SNAP25: variants seen among roughly 807,000 people sequenced by gnomAD.
SNAP25 encodes synaptosome associated protein 25.
In SNAP25, 3 loss-of-function variants were observed where a neutral mutation model predicts 28.7. The ratio of observed to expected loss-of-function variants is 0.10; its 90% CI spans 0.05 to 0.27. The LOEUF (loss-of-function observed/expected upper bound fraction) is 0.27, where lower values mean the gene tolerates loss of function less well. Ranked by LOEUF, SNAP25 falls within the 10% of genes least tolerant of loss-of-function variation. The pLI is 1.00. For missense variants in SNAP25, 117 were observed against 278.7 expected, an observed-to-expected ratio of 0.42 and a Z score of 4.13; for synonymous variants, 61 against 88.1, an observed-to-expected ratio of 0.69 and a Z score of 1.72.
At chr20:10,292,804 T>G in intron 4 of SNAP25, 1 of 874,302 alleles carries the variant, frequency 1.1e-6, no homozygotes, top group Non-Finnish European at 1.8e-6. Context: ...AAATTCTGTT[T>G]CACATAGTCA....
chr20:10,291,154 A>G (rs1366158081), intron 4 of SNAP25, among the ~76,000 whole-genome samples: 1 of 152,008 alleles, frequency 6.6e-6, no homozygotes, highest in Non-Finnish European at 1.5e-5. Flanking sequence ...GCTCACTGCA[A>G]CCTCCACCTC....
intron 1 of SNAP25, among the ~76,000 whole-genome samples, chr20:10,247,766 C>T (rs2063155308): frequency 6.6e-6 from 1 of 152,160 alleles, no homozygotes; most frequent in Non-Finnish European, 1.5e-5. Flanking sequence ...AGGATGATGG[C>T]ACGAAAGCAA....
chr20:10,290,966 T>C (rs1260910337), intron 4 of SNAP25, among the ~76,000 whole-genome samples: 1 of 152,246 alleles, frequency 6.6e-6, no homozygotes, highest in African/African-American at 2.4e-5. Flanking sequence ...TACAGACTAA[T>C]TTATTGCATT....
At position 10,306,170 on chromosome 20, in the gene SNAP25, T is replaced by A; in HGVS notation, c.594T>A (p.Arg198=). 6.2e-7 allele frequency: 1 copy of A among 1,613,654 alleles called. No homozygotes were observed. The highest frequency in any genetic ancestry group is 8.5e-7 in the Non-Finnish European group (1 of 1,179,808). ...CCAGAATTGATGAGGCCAACCAACG[T>A]GCAACAAAGATGCTGGGAAGTGGTT... ...NKTRIDEANQ[R]ATKMLGSG Residue 198 remains arginine, a synonymous_variant, in exon 8 of 8, where the codon CGT becomes CGA. Coordinates refer to ENST00000254976, the MANE Select transcript of SNAP25 (RefSeq NM_130811.4).
chr20:10,263,358 A>C (rs1257646882), intron 1 of SNAP25, among the ~76,000 whole-genome samples: 1 of 152,144 alleles, frequency 6.6e-6, no homozygotes, highest in Non-Finnish European at 1.5e-5. Context: ...ACAGGCACAG[A>C]AACACGGAGA....
intron 1 of SNAP25, among the ~76,000 whole-genome samples, chr20:10,239,169 G>A (rs1217501001): frequency 6.6e-6 from 1 of 152,186 alleles, no homozygotes; most frequent in Non-Finnish European, 1.5e-5. Context: ...TTATAGAGAA[G>A]GAAGAGTAGG....
intron 1 of SNAP25, among the ~76,000 whole-genome samples, chr20:10,258,564 A>T (rs2063359656): frequency 6.6e-6 from 1 of 152,190 alleles, no homozygotes; most frequent in African/African-American, 2.4e-5. Context: ...TGTGTGGCTT[A>T]CAAAAATCTC....
chr20:10,251,692 C>T (rs1844333522), intron 1 of SNAP25, among the ~76,000 whole-genome samples: 1 of 152,174 alleles, frequency 6.6e-6, no homozygotes, highest in Non-Finnish European at 1.5e-5. Context: ...CTAACCTTTC[C>T]TGGGTGGCTT....
At chr20:10,248,889 C>T (rs1160985268) in intron 1 of SNAP25, among the ~76,000 whole-genome samples, 1 of 152,184 alleles carries the variant, frequency 6.6e-6, no homozygotes, top group Non-Finnish European at 1.5e-5. Flanking sequence ...TTCTAACAGA[C>T]TCCCAGGTGA....
chr20:10,278,974 CA>C (rs898557046), intron 3 of SNAP25, among the ~76,000 whole-genome samples: 5 of 152,030 alleles, frequency 3.3e-5, no homozygotes, highest in African/African-American at 1.2e-4. Flanking sequence ...TGTTATCCCC[CA>C]AAATGATAAT....
intron 7 of SNAP25, among the ~76,000 whole-genome samples, chr20:10,303,713 C>G (rs1244720536): frequency 6.6e-6 from 1 of 152,098 alleles, no homozygotes. Flanking sequence ...TCCATAGAAT[C>G]GTTGTCTTCA....
intron 1 of SNAP25, among the ~76,000 whole-genome samples, chr20:10,265,697 T>C (rs1315374337): frequency 6.6e-6 from 1 of 152,196 alleles, no homozygotes; most frequent in African/African-American, 2.4e-5. Context: ...GTTGGGAGTC[T>C]GTAGGACATG....
chr20:10,286,371 G>T (rs1398022228), intron 4 of SNAP25, among the ~76,000 whole-genome samples: 1 of 152,122 alleles, frequency 6.6e-6, no homozygotes. Context: ...ATAGGTCAAG[G>T]GGAGAGCTGC....
chr20:10,220,771 C>T (rs908247438), intron 1 of SNAP25, among the ~76,000 whole-genome samples: 4 of 152,190 alleles, frequency 2.6e-5, no homozygotes, highest in African/African-American at 9.7e-5. Context: ...ATCATGATCC[C>T]CTTAAAAGAC....
chr20:10,267,820 G>A (rs182299173), intron 1 of SNAP25, among the ~76,000 whole-genome samples: 508 of 152,312 alleles, frequency 3.3e-3, no homozygotes, highest in Non-Finnish European at 5.5e-3. Context: ...AAAGTGCTGG[G>A]ATTATAGGCA....
At chr20:10,287,944 A>T (rs1041962394) in intron 4 of SNAP25, among the ~76,000 whole-genome samples, 1 of 151,352 alleles carries the variant, frequency 6.6e-6, no homozygotes, top group African/African-American at 2.4e-5. Context: ...TCACTCATAG[A>T]TGGGAATTGA....
chr20:10,275,488 T>C lies in SNAP25; in HGVS notation c.-4T>C, dbSNP rs376614000. 7 of 1,602,308 alleles carry C rather than the reference T, an allele frequency of 4.4e-6. No individual in the cohort carries two copies. The African/African-American group carries it at 9.4e-5, about 21-fold the overall frequency. On this transcript the variant is annotated 5_prime_UTR_variant, in exon 2 of 8. Transcript: ENST00000254976. ...CAGGCGCCCAGCCACTCCCCACCGC[T>C]ACCATGGCCGAAGACGCAGACATGC...
Position 10,306,447 on chromosome 20 carries a change from T to G in SNAP25, c.*250T>G. Reference sequence around the variant, plus strand: ...CTCTAACTCCTTGAGGTCTTGAGTTTCATTTTTCATTTTCTCTCCTCGGTG... The same window carrying G: ...CTCTAACTCCTTGAGGTCTTGAGTTGCATTTTTCATTTTCTCTCCTCGGTG... On this transcript the variant is annotated 3_prime_UTR_variant, in exon 8 of 8. Transcript: ENST00000254976. 2.7e-6 allele frequency: 1 copy of G among 371,756 alleles called. No individual in the cohort carries two copies. The allele number at this position is 371,756 out of a possible 1,614,324, so 23.0% of individuals were successfully genotyped here. A position where few individuals can be genotyped will look rare whatever the true frequency, so the allele number is the denominator to read the frequency against.
chr20:10,251,016 G>A (rs989729177), intron 1 of SNAP25, among the ~76,000 whole-genome samples: 2 of 152,108 alleles, frequency 1.3e-5, no homozygotes, highest in Admixed American at 6.5e-5. Context: ...ACCTAATGAC[G>A]CATTTCCTAG....
Sources: gnomAD v4.1 joint callset for allele counts (sites outside exome capture counted in the v4.1 genomes callset) on GRCh38, gnomAD v4.1.1 for gene constraint, MANE v1.5 for transcripts, NCBI Gene and HGNC (gene_info 2026-07-23, HGNC 2026-07-21) for gene names.